The following KANK1 variants were observed in gnomAD, a reference collection of about 807,000 sequenced individuals.
KANK1 encodes KN motif and ankyrin repeat domains 1, also known as KN motif and ankyrin repeat domain-containing protein 1.
Under a neutral mutation model 106.2 loss-of-function variants are expected in KANK1, and 109 were observed. The ratio of observed to expected loss-of-function variants is 1.03; its 90% CI spans 0.88 to 1.20. KANK1 has a LOEUF of 1.20. Among genes scored for constraint, KANK1 ranks in the 50% most tolerant of loss-of-function variants. The pLI is 0.00. For synonymous variants in KANK1, 873 were observed against 652.2 expected (o/e 1.34, Z -5.16); for missense variants, 2,399 against 1,710.7 (o/e 1.40, Z -7.10).
At chr9:553,266 C>A (rs1459685131) in intron 1 of KANK1, among the ~76,000 whole-genome samples, 2 of 152,088 alleles carry the variant, frequency 1.3e-5, no homozygotes, top group Non-Finnish European at 2.9e-5. Flanking sequence ...TAAGTGTGTT[C>A]AGAAGTATTT....
intron 1 of KANK1, among the ~76,000 whole-genome samples, chr9:581,938 A>T (rs780508452): frequency 6.6e-6 from 1 of 152,146 alleles, no homozygotes; most frequent in South Asian, 2.1e-4. Context: ...TTCACTTCCA[A>T]GATCTCCCTT....
intron 3 of KANK1, chr9:484,405 A>G (rs1376906677): frequency 2.6e-5 from 4 of 152,246 alleles, no homozygotes; most frequent in African/African-American, 9.6e-5. Context: ...AGTGCTCAGC[A>G]CAGTGCCTCT....
intron 1 of KANK1, among the ~76,000 whole-genome samples, chr9:628,409 G>GT (rs142461828): frequency 0.16 from 23,643 of 152,190 alleles, 2,021 homozygotes; most frequent in Admixed American, 0.18. Flanking sequence ...CTCCCAGTAG[G>GT]GGGGGTTCCT....
intron 1 of KANK1, among the ~76,000 whole-genome samples, chr9:675,810 A>T (rs1353434861): frequency 1.3e-5 from 2 of 152,246 alleles, no homozygotes; most frequent in African/African-American, 4.8e-5. Flanking sequence ...TAGGCAGAGC[A>T]GGAGCGTAGG....
upstream of KANK1, among the ~76,000 whole-genome samples, chr9:500,798 T>C (rs1323611953): frequency 6.6e-6 from 1 of 152,196 alleles, no homozygotes; most frequent in Non-Finnish European, 1.5e-5. Context: ...TTCTCCCTCC[T>C]ACGGAGCTTC....
intron 3 of KANK1, among the ~76,000 whole-genome samples, chr9:493,042 A>G (rs1252351504): frequency 2.0e-5 from 3 of 151,828 alleles, no homozygotes; most frequent in South Asian, 2.1e-4. Context: ...AAAAAAAAAA[A>G]AAAGAAAAGA....
intron 1 of KANK1, among the ~76,000 whole-genome samples, chr9:656,627 C>T (rs10975604): frequency 1.3e-5 from 2 of 152,006 alleles, no homozygotes; most frequent in East Asian, 3.9e-4. Flanking sequence ...CCTACTCCCT[C>T]CCGGTGCCTG....
In KANK1 at chr9:479,422, C is replaced by A. The variant is rs917235074; in HGVS notation, c.-362+6149C>A. Among the ~76,000 whole-genome samples the A allele has an allele frequency of 1.3e-5, 2 of 152,206 alleles. 1 individual carries two copies. ...TCACCAGAGTTCTTCACTGCTCATT[C>A]TTCCTACAGACATCTCCACATAAAT... On this transcript the variant is annotated intron_variant, in intron 3 of 15. Transcript: ENST00000382303.
intron 1 of KANK1, among the ~76,000 whole-genome samples, chr9:657,769 C>G (rs930576520): frequency 1.3e-5 from 2 of 152,060 alleles, no homozygotes; most frequent in Non-Finnish European, 2.9e-5. Context: ...AAAGCCCCTT[C>G]TAGGTCAGAC....
chr9:621,084 T>C (rs961218565), intron 1 of KANK1, among the ~76,000 whole-genome samples: 4 of 152,176 alleles, frequency 2.6e-5, no homozygotes, highest in Admixed American at 2.6e-4. Flanking sequence ...AAATCTAAGC[T>C]ATTCAATTCA....
In KANK1 at chr9:504,735, G is replaced by T. The variant is rs1321012046; in HGVS notation, c.-103G>T. 1.3e-5 allele frequency: 2 copies of T among 149,466 alleles called. No individual in the cohort carries two copies. The highest frequency in any genetic ancestry group is 4.2e-4 in the South Asian group (2 of 4,730). The allele number at this position is 149,466 out of a possible 1,614,324, so 9.3% of individuals were successfully genotyped here. A position where few individuals can be genotyped will look rare whatever the true frequency, so the allele number is the denominator to read the frequency against. ...GGCGGAGCGAGCGAGCGGCCGGCAG[G>T]TTGGGAGGAGCGGCCGAAGGTGAGT... On this transcript the variant is annotated 5_prime_UTR_variant, in exon 1 of 12. Coordinates refer to ENST00000382297, the MANE Select transcript of KANK1 (RefSeq NM_015158.5).
At chr9:576,515 T>C (rs1189244199) in intron 1 of KANK1, among the ~76,000 whole-genome samples, 1 of 152,242 alleles carries the variant, frequency 6.6e-6, no homozygotes, top group African/African-American at 2.4e-5. Context: ...GCTCCTTATA[T>C]GTTTTGGGTA....
intron 2 of KANK1, among the ~76,000 whole-genome samples, chr9:709,848 C>T (rs533820337): frequency 2.6e-5 from 4 of 152,114 alleles, no homozygotes; most frequent in Admixed American, 6.5e-5. Context: ...AACTCTTGAC[C>T]TCAGGTGATC....
chr9:712,135 C>T lies in KANK1; in HGVS notation c.1369C>T (p.Leu457=), dbSNP rs1222290767. ...VMTEADKEIE[L]QQQTIESLKE... ...GACTGAAGCTGACAAAGAAATTGAG[C>T]TGCAACAGCAGACCATAGAATCCTT... The change falls in exon 3 of 12, where the codon CTG becomes TTG. Residue 457 remains leucine (L), a synonymous_variant. Transcript: ENST00000382297. The T allele has an allele frequency of 6.2e-6, 10 of 1,614,064 alleles. No homozygotes were observed. Among genetic ancestry groups the T allele is most frequent in the Non-Finnish European group, 8.5e-6 (10 of 1,180,036 alleles).
intron 1 of KANK1, among the ~76,000 whole-genome samples, chr9:651,720 A>G (rs929576052): frequency 6.6e-6 from 1 of 152,232 alleles, no homozygotes; most frequent in Admixed American, 6.5e-5. Context: ...GGATAATGAA[A>G]TGCTCTAAGT....
chr9:535,435 T>G (rs1291545836), intron 1 of KANK1, among the ~76,000 whole-genome samples: 2 of 152,190 alleles, frequency 1.3e-5, no homozygotes, highest in African/African-American at 4.8e-5. Flanking sequence ...ATAGCTCACA[T>G]TTTTGGTGCC....
In KANK1 at chr9:570,274, C is replaced by G. The variant is rs114871261; in HGVS notation, c.-84+65520C>G. Among the ~76,000 whole-genome samples, 172 of 152,274 alleles carry G rather than the reference C, an allele frequency of 1.1e-3. 1 individual carries two copies. Among genetic ancestry groups the G allele is most frequent in the African/African-American group, 4.0e-3 (167 of 41,540 alleles). ...TTTAAATCCGTAGCTGTATTTTCGT[C>G]ACAATGAAAATTTGATGTCCTTAGT... On this transcript the variant is annotated intron_variant, in intron 1 of 11. Transcript: ENST00000382297.
chr9:669,953 T>G (rs72691383), intron 1 of KANK1, among the ~76,000 whole-genome samples: 1,700 of 152,272 alleles, frequency 0.011, 45 homozygotes, highest in African/African-American at 0.039. Flanking sequence ...TCTATGTAAT[T>G]TCAAAGAGCC....
chr9:562,745 G>A (rs1252776710), intron 1 of KANK1, among the ~76,000 whole-genome samples: 2 of 152,172 alleles, frequency 1.3e-5, no homozygotes, highest in East Asian at 1.9e-4. Context: ...GATGCTAGTG[G>A]AGATTTCCAA....
Sources: allele counts gnomAD v4.1 joint callset (sites outside exome capture counted in the v4.1 genomes callset), GRCh38; gene constraint gnomAD v4.1.1; transcripts MANE v1.5; gene names NCBI Gene and HGNC (gene_info 2026-07-23, HGNC 2026-07-21).